The following NAV2 variants were observed in gnomAD, a reference collection of about 807,000 sequenced individuals.
NAV2 encodes neuron navigator 2, also known as helicase, APC down-regulated 1.
NAV2 carries 54 observed loss-of-function variants against 223.2 expected under a neutral mutation model. The observed-to-expected ratio is 0.24, with a 90% CI of 0.19 to 0.30. The LOEUF (loss-of-function observed/expected upper bound fraction) is 0.30, where lower values mean the gene tolerates loss of function less well. NAV2 is among the 10% of genes least tolerant of loss of function. NAV2 has a pLI of 1.00. For missense variants in NAV2, 2,806 were observed against 3,147.5 expected (o/e 0.89, Z 2.60); for synonymous variants, 1,279 against 1,239.3 (o/e 1.03, Z -0.67).
chr11:20,101,019 G>A lies in NAV2; in HGVS notation c.6264G>A (p.Leu2088=). The change falls in exon 32 of 38, where the codon CTG becomes CTA. Residue 2088 remains leucine (L), a synonymous_variant. Coordinates refer to ENST00000349880, the MANE Select transcript of NAV2 (RefSeq NM_145117.5). The part of the protein sequence containing the change: ...KPILQRYVSL[L]IEHRRIILSG... ...TCCTGCAGCGCTACGTCTCCCTCCT[G>A]ATAGAGCACCGTCGGATCATTCTCT... 1 of 1,614,146 alleles carries A rather than the reference G, an allele frequency of 6.2e-7. No individual in the cohort carries two copies. The highest frequency in any genetic ancestry group is 1.1e-5 in the South Asian group (1 of 91,072).
intron 20 of NAV2, among the ~76,000 whole-genome samples, chr11:20,066,643 C>G (rs561015466): frequency 6.6e-6 from 1 of 152,276 alleles, no homozygotes; most frequent in African/African-American, 2.4e-5. Flanking sequence ...CCTACCTATT[C>G]CAGCTGATGG....
intron 1 of NAV2, among the ~76,000 whole-genome samples, chr11:19,572,912 C>T (rs1590568233): frequency 6.6e-6 from 1 of 152,170 alleles, no homozygotes; most frequent in Admixed American, 6.5e-5. Context: ...TGAAGTTTGC[C>T]AAGGACCGCT....
intron 6 of NAV2, among the ~76,000 whole-genome samples, chr11:19,926,888 G>A (rs1342469483): frequency 6.6e-6 from 1 of 152,130 alleles, no homozygotes; most frequent in African/African-American, 2.4e-5. Flanking sequence ...TTGGCATCAG[G>A]ACCAGACCAC....
intron 3 of NAV2, among the ~76,000 whole-genome samples, chr11:19,856,317 G>A (rs2061404478): frequency 6.6e-6 from 1 of 152,212 alleles, no homozygotes; most frequent in South Asian, 2.1e-4. Flanking sequence ...GCAGTATGCA[G>A]AGTGGAGAAT....
At chr11:19,815,469 G>A (rs1424456530) in intron 1 of NAV2, among the ~76,000 whole-genome samples, 1 of 152,234 alleles carries the variant, frequency 6.6e-6, no homozygotes, top group Non-Finnish European at 1.5e-5. Context: ...GCTATTGTAT[G>A]TGGTTCTGAA....
At chr11:19,514,089 TTTCAGCCTAATCTG>T (rs2043364597) in intron 1 of NAV2, among the ~76,000 whole-genome samples, 1 of 147,118 alleles carries the variant, frequency 6.8e-6, no homozygotes, top group African/African-American at 2.5e-5. Flanking sequence ...TGCCCCACCA[TTTCAGCCTAATCTG>T]TATATTTTCT....
chr11:19,632,475 T>C (rs2047375074), intron 1 of NAV2, among the ~76,000 whole-genome samples: 1 of 152,216 alleles, frequency 6.6e-6, no homozygotes, highest in Non-Finnish European at 1.5e-5. Flanking sequence ...AGACTGTCTT[T>C]GATTATTCAA....
intron 1 of NAV2, among the ~76,000 whole-genome samples, chr11:19,476,451 C>T (rs1365159646): frequency 6.6e-6 from 1 of 152,108 alleles, no homozygotes; most frequent in South Asian, 2.1e-4. Flanking sequence ...GCTAGAACCT[C>T]TAGGCCTGGA....
intron 8 of NAV2, among the ~76,000 whole-genome samples, chr11:19,945,178 T>G (rs1422209877): frequency 1.0e-5 from 1 of 95,342 alleles, no homozygotes; most frequent in Non-Finnish European, 2.1e-5. Context: ...TTCCCTTCCC[T>G]TCCCTTCCCT....
At chr11:19,629,407 G>A (rs1323040379) in intron 1 of NAV2, among the ~76,000 whole-genome samples, 1 of 152,086 alleles carries the variant, frequency 6.6e-6, no homozygotes, top group African/African-American at 2.4e-5. Flanking sequence ...AAGGAATTGT[G>A]CCTCTCTCCT....
At chr11:20,005,433 A>G (rs1192628347) in intron 11 of NAV2, among the ~76,000 whole-genome samples, 2 of 151,814 alleles carry the variant, frequency 1.3e-5, no homozygotes, top group South Asian at 2.1e-4. Flanking sequence ...TTTAGTAGAG[A>G]TAGGGTTTCA....
intron 1 of NAV2, among the ~76,000 whole-genome samples, chr11:19,616,115 T>A (rs1315592012): frequency 6.6e-6 from 1 of 152,098 alleles, no homozygotes; most frequent in Non-Finnish European, 1.5e-5. Context: ...ACGGGGTTTT[T>A]TTTTTCTTTC....
intron 1 of NAV2, among the ~76,000 whole-genome samples, chr11:19,827,672 G>C (rs975379587): frequency 1.3e-5 from 2 of 152,138 alleles, no homozygotes; most frequent in South Asian, 2.1e-4. Flanking sequence ...AGGCTGCCTT[G>C]ACTGAAGTGT....
At chr11:19,484,438 C>G (rs1183210537) in intron 1 of NAV2, among the ~76,000 whole-genome samples, 2 of 152,204 alleles carry the variant, frequency 1.3e-5, no homozygotes, top group Non-Finnish European at 1.5e-5. Flanking sequence ...GGAAAACAGT[C>G]CCCAAAAGAG....
At chr11:20,083,693 G>A (rs1442965391) in intron 26 of NAV2, among the ~76,000 whole-genome samples, 1 of 152,178 alleles carries the variant, frequency 6.6e-6, no homozygotes, top group Non-Finnish European at 1.5e-5. Flanking sequence ...GGAAGTCATG[G>A]CCAGGGTCAG....
At chr11:19,561,393 T>C (rs1328379153) in intron 1 of NAV2, among the ~76,000 whole-genome samples, 2 of 152,182 alleles carry the variant, frequency 1.3e-5, no homozygotes, top group African/African-American at 4.8e-5. Flanking sequence ...CAGGAAATTG[T>C]CTGGCCCTTG....
chr11:19,763,799 T>G lies in NAV2; in HGVS notation c.267+49837T>G, dbSNP rs542786063. 9.6e-3 allele frequency among the ~76,000 whole-genome samples: 864 copies of G among 90,298 alleles called. 5 individuals carry two copies. Among genetic ancestry groups the G allele is most frequent in the African/African-American group, 0.043 (826 of 19,188 alleles). The allele number at this position is 90,298 out of a possible 152,430, so 59.2% of individuals were successfully genotyped here. ...TGTTTTTTTGTTTTTTTGTTTTTTTTGTTTTTTTTTTACCTTTTTTGAAGT... is the reference window on the plus strand; with the variant it reads ...TGTTTTTTTGTTTTTTTGTTTTTTTGGTTTTTTTTTTACCTTTTTTGAAGT... On this transcript the variant is annotated intron_variant, in intron 1 of 37. Transcript: ENST00000349880.
chr11:19,870,751 CTT>C (rs1160572096), intron 4 of NAV2, among the ~76,000 whole-genome samples: 3 of 152,132 alleles, frequency 2.0e-5, no homozygotes, highest in African/African-American at 7.2e-5. Flanking sequence ...GATGAAGAAA[CTT>C]TGGTTTAAAG....
chr11:19,555,267 G>A (rs567604136), intron 1 of NAV2, among the ~76,000 whole-genome samples: 1 of 152,214 alleles, frequency 6.6e-6, no homozygotes, highest in African/African-American at 2.4e-5. Flanking sequence ...TGGTCCCCAG[G>A]TAGGTCTGGG....
Sources: allele counts gnomAD v4.1 joint callset (sites outside exome capture counted in the v4.1 genomes callset), GRCh38; gene constraint gnomAD v4.1.1; transcripts MANE v1.5; gene names NCBI Gene and HGNC (gene_info 2026-07-23, HGNC 2026-07-21).